RAD54B: variants seen among roughly 807,000 people sequenced by gnomAD.
RAD54B encodes RAD54 homolog B, also known as DNA repair and recombination protein RAD54B.
In RAD54B, 78 loss-of-function variants were observed where a neutral mutation model predicts 95.8. The ratio of observed to expected loss-of-function variants is 0.81; its 90% confidence interval spans 0.68 to 0.98. The LOEUF is 0.98. Among genes scored for constraint, RAD54B ranks in the 50% least tolerant of loss-of-function variants. The probability of loss-of-function intolerance (pLI) is 0.00; values close to 1 mark genes in which losing one functional copy is unlikely to be tolerated. For missense variants in RAD54B, 957 were observed against 1,056.6 expected (o/e 0.91, Z 1.31); for synonymous variants, 328 against 354.9 (o/e 0.92, Z 0.85).
chr8:94,453,647 G>A (rs1019699094), intron 3 of RAD54B, among the ~76,000 whole-genome samples: 1 of 151,946 alleles, frequency 6.6e-6, no homozygotes, highest in African/African-American at 2.4e-5. Flanking sequence ...CAATTATTTA[G>A]ATGGAGAAAA....
chr8:94,375,191 T>C (rs1810539514), intron 14 of RAD54B, among the ~76,000 whole-genome samples: 1 of 152,212 alleles, frequency 6.6e-6, no homozygotes, highest in Non-Finnish European at 1.5e-5. Flanking sequence ...ATAGGTATAC[T>C]TGAAGATATT....
intron 3 of RAD54B, among the ~76,000 whole-genome samples, chr8:94,415,844 C>A (rs1811649736): frequency 6.6e-6 from 1 of 151,078 alleles, no homozygotes; most frequent in Admixed American, 6.6e-5. Flanking sequence ...GTTAGAATGG[C>A]AATCATTAAA....
At chr8:94,473,931 A>G (rs1355644151) in intron 1 of RAD54B, among the ~76,000 whole-genome samples, 1 of 152,336 alleles carries the variant, frequency 6.6e-6, no homozygotes, top group East Asian at 1.9e-4. Context: ...AGCATTCAGT[A>G]GAAACTGTAC....
At chr8:94,451,445 GA>G (rs1443892214) in intron 3 of RAD54B, among the ~76,000 whole-genome samples, 1 of 152,144 alleles carries the variant, frequency 6.6e-6, no homozygotes, top group African/African-American at 2.4e-5. Flanking sequence ...AATAAATATA[GA>G]TGGAATGAGA....
Position 94,391,668 on chromosome 8 carries a change from A to T in RAD54B, c.1750T>A (p.Cys584Ser), listed in dbSNP as rs534023829. Residue 584 changes from cysteine (C) to serine (S), a missense_variant, in exon 10 of 15, where the codon TGT becomes AGT. Coordinates refer to ENST00000336148, the MANE Select transcript of RAD54B (RefSeq NM_012415.3). ...CACAGTTTTTTAAGAGCTCCTATAC[A>T]TATTAGATGGGGACTATTTTCCAAC... The part of the protein sequence containing the change: ...GLLENSPHLI[C>S]IGALKKLCNH... 1.6e-4 allele frequency: 261 copies of T among 1,613,974 alleles called. 3 individuals are homozygous for T. In the South Asian group the frequency reaches 2.7e-3, roughly 17 times the overall value.
At chr8:94,439,032 C>T (rs1452524719) in intron 3 of RAD54B, among the ~76,000 whole-genome samples, 1 of 152,014 alleles carries the variant, frequency 6.6e-6, no homozygotes, top group African/African-American at 2.4e-5. Context: ...GTTGAGGCTG[C>T]ACTAAGCCAT....
At chr8:94,398,674 CTCT>C (rs1037171310) in intron 8 of RAD54B, among the ~76,000 whole-genome samples, 3 of 151,984 alleles carry the variant, frequency 2.0e-5, no homozygotes, top group Non-Finnish European at 1.5e-5. Flanking sequence ...GAATACAATT[CTCT>C]TCTTTATTCT....
At chr8:94,416,132 A>C (rs1811657578) in intron 3 of RAD54B, among the ~76,000 whole-genome samples, 1 of 151,510 alleles carries the variant, frequency 6.6e-6, no homozygotes, top group African/African-American at 2.4e-5. Context: ...TCCAACAATG[A>C]TAGACTGGAT....
At chr8:94,471,268 C>CA (rs1320472589) in intron 1 of RAD54B, among the ~76,000 whole-genome samples, 6 of 137,454 alleles carry the variant, frequency 4.4e-5, no homozygotes, top group African/African-American at 1.1e-4. Flanking sequence ...TAATGGGTGG[C>CA]GGGGGGGGGC....
intron 3 of RAD54B, among the ~76,000 whole-genome samples, chr8:94,432,885 T>A (rs1315029477): frequency 1.3e-5 from 2 of 152,080 alleles, no homozygotes; most frequent in African/African-American, 4.8e-5. Context: ...AATTGTGCTT[T>A]AAAGGAGCAG....
Position 94,467,284 on chromosome 8 carries a change from T to C in RAD54B, c.135+121A>G. The C allele has an allele frequency of 4.6e-6, 4 of 867,630 alleles. No homozygotes were observed. The South Asian group carries it at 7.1e-5, about 15-fold the overall frequency. 53.7% of individuals were successfully genotyped at this position (867,630 alleles called of 1,614,324 possible). On this transcript the variant is annotated intron_variant, in intron 2 of 14. Transcript: ENST00000336148. ...CTTCATTTCCAAGGTTTTTAGAAGA[T>C]GTTTTCAGAGATACTGAAAATTCCT... is the stretch of plus-strand genomic sequence containing the variant.
chr8:94,410,108 G>T (rs1811493390), intron 4 of RAD54B, among the ~76,000 whole-genome samples: 1 of 152,148 alleles, frequency 6.6e-6, no homozygotes, highest in Non-Finnish European at 1.5e-5. Context: ...GAACTAGTTT[G>T]AATTCCTTCC....
intron 14 of RAD54B, among the ~76,000 whole-genome samples, chr8:94,374,257 T>C (rs928653265): frequency 3.3e-5 from 5 of 150,948 alleles, no homozygotes; most frequent in South Asian, 2.1e-4. Flanking sequence ...CTAGCCTGGG[T>C]GACAGAGCAA....
intron 2 of RAD54B, among the ~76,000 whole-genome samples, chr8:94,463,461 T>C (rs1812951538): frequency 6.6e-6 from 1 of 152,026 alleles, no homozygotes; most frequent in Non-Finnish European, 1.5e-5. Context: ...AAAACCTTCA[T>C]ACATTGATGG....
At chr8:94,393,498 T>A in intron 9 of RAD54B, 1 of 350,682 alleles carries the variant, frequency 2.9e-6, no homozygotes, top group South Asian at 4.0e-5. Flanking sequence ...TTCTACTTTT[T>A]TCAAAACTAG....
chr8:94,419,596 G>C (rs1261703946), intron 3 of RAD54B, among the ~76,000 whole-genome samples: 1 of 151,668 alleles, frequency 6.6e-6, no homozygotes, highest in African/African-American at 2.4e-5. Context: ...AAAATACATG[G>C]AACACAAGTG....
chr8:94,381,217 C>A (rs1021807628), intron 11 of RAD54B, among the ~76,000 whole-genome samples: 1 of 152,170 alleles, frequency 6.6e-6, no homozygotes, highest in African/African-American at 2.4e-5. Flanking sequence ...AGCAGCCAGG[C>A]ACCCCATATG....
intron 3 of RAD54B, among the ~76,000 whole-genome samples, chr8:94,455,267 A>G (rs544907062): frequency 6.6e-6 from 1 of 152,342 alleles, no homozygotes; most frequent in African/African-American, 2.4e-5. Flanking sequence ...CTTTGTGGCT[A>G]CTTGACTTCC....
At chr8:94,407,865 G>T in intron 4 of RAD54B, 145 bp from the exon 5 acceptor site, 1 of 565,918 alleles carries the variant, frequency 1.8e-6, no homozygotes, top group South Asian at 4.4e-5. Context: ...TAACATTTTG[G>T]TTAAAAAAAA....
Sources: allele counts gnomAD v4.1 joint callset (sites outside exome capture counted in the v4.1 genomes callset), GRCh38; gene constraint gnomAD v4.1.1; transcripts MANE v1.5; gene names NCBI Gene and HGNC (gene_info 2026-07-23, HGNC 2026-07-21).